The following SRGAP3 variants were observed in gnomAD, a reference collection of about 807,000 sequenced individuals.
SRGAP3 encodes the protein SLIT-ROBO Rho GTPase activating protein 3.
Under a neutral mutation model 121.1 loss-of-function variants are expected in SRGAP3, and 39 were observed. That is an observed-to-expected ratio of 0.32 (90% CI 0.25 to 0.42). The LOEUF is 0.42. SRGAP3 is among the 10% of genes least tolerant of loss of function. The pLI is 1.00. For missense variants in SRGAP3, 1,213 were observed against 1,470.6 expected (o/e 0.82, Z 2.86); for synonymous variants, 601 against 570.0 (o/e 1.05, Z -0.77).
upstream of SRGAP3, among the ~76,000 whole-genome samples, chr3:9,250,944 T>C (rs538052187): frequency 4.3e-4 from 65 of 152,250 alleles, no homozygotes; most frequent in Non-Finnish European, 5.6e-4. Flanking sequence ...CTAATGTGTA[T>C]TGGCCCCTGA....
intron 3 of SRGAP3, among the ~76,000 whole-genome samples, chr3:9,324,110 C>CAA (rs1205294936): frequency 6.6e-6 from 1 of 151,860 alleles, no homozygotes; most frequent in African/African-American, 2.4e-5. Flanking sequence ...TTTGAACATT[C>CAA]AGCAGTCTAT....
At chr3:9,135,506 C>T (rs1949612022) in intron 1 of SRGAP3, among the ~76,000 whole-genome samples, 1 of 152,194 alleles carries the variant, frequency 6.6e-6, no homozygotes, top group African/African-American at 2.4e-5. Context: ...ATGATGTGGC[C>T]CAGTGGATAG....
In SRGAP3 at chr3:9,321,975, A is replaced by T. The variant is rs577168310; in HGVS notation, n.442+4035T>A. Among the ~76,000 whole-genome samples the T allele has an allele frequency of 1.1e-3, 170 of 151,052 alleles. 1 individual carries two copies. The highest frequency in any genetic ancestry group is 4.0e-3 in the African/African-American group (164 of 41,348). ...CACTGAACCTGAAATACAACTTAAA[A>T]AATAATAATAATAATAATAATAAAT... On this transcript the variant is annotated intron_variant and non_coding_transcript_variant, in intron 3 of 3. Coordinates refer to the SRGAP3 transcript ENST00000490889.
chr3:9,245,843 G>A (rs1210910182), intron 1 of SRGAP3, among the ~76,000 whole-genome samples: 3 of 152,156 alleles, frequency 2.0e-5, no homozygotes, highest in Non-Finnish European at 2.9e-5. Flanking sequence ...AGAATCTCTT[G>A]AACCCAAGAG....
intron 19 of SRGAP3, 51 bp from the exon 20 acceptor site, chr3:8,993,106 G>A (rs781007234): frequency 6.2e-7 from 1 of 1,610,376 alleles, no homozygotes; most frequent in East Asian, 2.2e-5. Context: ...AAAGAACCCA[G>A]CATATACAGA....
intron 1 of SRGAP3, among the ~76,000 whole-genome samples, chr3:9,332,621 T>C (rs764565636): frequency 6.6e-6 from 1 of 152,224 alleles, no homozygotes; most frequent in Non-Finnish European, 1.5e-5. Context: ...AGAGAGTTTT[T>C]TTCTATATAA....
At chr3:9,090,296 C>A (rs1028295326) in intron 3 of SRGAP3, among the ~76,000 whole-genome samples, 1 of 151,966 alleles carries the variant, frequency 6.6e-6, no homozygotes, top group Admixed American at 6.6e-5. Context: ...CGAAGACCTG[C>A]ATACAAAAGG....
intron 1 of SRGAP3, among the ~76,000 whole-genome samples, chr3:9,344,595 T>C (rs1955851367): frequency 6.6e-6 from 1 of 151,966 alleles, no homozygotes; most frequent in Non-Finnish European, 1.5e-5. Context: ...ATCACACCAC[T>C]GCACTCCAGC....
At chr3:9,160,251 G>A (rs1370518353) in intron 1 of SRGAP3, among the ~76,000 whole-genome samples, 2 of 152,158 alleles carry the variant, frequency 1.3e-5, no homozygotes, top group Non-Finnish European at 2.9e-5. Context: ...AGACCTAAGA[G>A]CATCCTTCAC....
chr3:9,005,241 C>T (rs1251812924), intron 18 of SRGAP3, among the ~76,000 whole-genome samples: 1 of 152,158 alleles, frequency 6.6e-6, no homozygotes, highest in Non-Finnish European at 1.5e-5. Context: ...ACTTCACATC[C>T]ACTAGGATGG....
At chr3:9,045,191 T>TAAA (rs566506713) in intron 10 of SRGAP3, among the ~76,000 whole-genome samples, 4 of 138,960 alleles carry the variant, frequency 2.9e-5, no homozygotes, top group East Asian at 2.1e-4. Context: ...AAGTTTACTT[T>TAAA]AAAAAAAAAA....
intron 1 of SRGAP3, among the ~76,000 whole-genome samples, chr3:9,211,162 T>C (rs1952434231): frequency 6.6e-6 from 1 of 152,174 alleles, no homozygotes; most frequent in Non-Finnish European, 1.5e-5. Context: ...GCATTATTTT[T>C]ATAATTAAAG....
chr3:9,096,982 C>CATATATATATATATATATATATAT (rs1327130399), intron 3 of SRGAP3, among the ~76,000 whole-genome samples: 1 of 41,320 alleles, frequency 2.4e-5, no homozygotes, highest in African/African-American at 1.0e-4. Context: ...TATATATATA[C>CATATATATATATATATATATATAT]ACATACACAC....
chr3:9,262,296 A>G (rs1050403529), intron 3 of SRGAP3, among the ~76,000 whole-genome samples: 11 of 152,168 alleles, frequency 7.2e-5, no homozygotes, highest in Admixed American at 5.9e-4. Flanking sequence ...AAGAAACTGC[A>G]TCAACTAATA....
chr3:9,332,330 G>A (rs1955622341), intron 1 of SRGAP3, among the ~76,000 whole-genome samples: 1 of 152,170 alleles, frequency 6.6e-6, no homozygotes, highest in Non-Finnish European at 1.5e-5. Context: ...ATGTTGGCCA[G>A]GCTGATCTTG....
chr3:8,988,120 T>G (rs999652731), intron 21 of SRGAP3, among the ~76,000 whole-genome samples: 12 of 151,634 alleles, frequency 7.9e-5, no homozygotes, highest in Non-Finnish European at 1.5e-4. Flanking sequence ...GTCCGAGAGG[T>G]GGCGCTGTGA....
chr3:9,169,371 T>C (rs911183286), intron 1 of SRGAP3, among the ~76,000 whole-genome samples: 1 of 151,878 alleles, frequency 6.6e-6, no homozygotes, highest in East Asian at 1.9e-4. Flanking sequence ...GGGTTGGAGG[T>C]GGGGTAGCAG....
Position 9,248,881 on chromosome 3 carries a change from T to G in SRGAP3, c.67+4A>C, listed in dbSNP as rs1413184119. ...AAGGAAAACTCTCCCAGCCCGCATC[T>G]CACCTTTTATTTGGGCTTCATATTC... On this transcript the variant is annotated splice_donor_region_variant and intron_variant, in intron 1 of 21. Coordinates refer to ENST00000383836, the MANE Select transcript of SRGAP3 (RefSeq NM_014850.4). 16 of 1,614,188 alleles carry G rather than the reference T, an allele frequency of 9.9e-6. No homozygotes were observed. Among genetic ancestry groups the G allele is most frequent in the Non-Finnish European group, 1.3e-5 (15 of 1,179,996 alleles).
chr3:9,276,238 C>T (rs1283219149), intron 3 of SRGAP3, among the ~76,000 whole-genome samples: 1 of 152,126 alleles, frequency 6.6e-6, no homozygotes, highest in Non-Finnish European at 1.5e-5. Flanking sequence ...CCTGGCTTAA[C>T]AGAAACCACA....
Sources: gnomAD v4.1 joint callset for allele counts (sites outside exome capture counted in the v4.1 genomes callset) on GRCh38, gnomAD v4.1.1 for gene constraint, MANE v1.5 for transcripts, NCBI Gene and HGNC (gene_info 2026-07-23, HGNC 2026-07-21) for gene names.